ALKAL1: variants seen among roughly 807,000 people sequenced by gnomAD.
ALKAL1 encodes the protein AUG-beta.
In ALKAL1, 23 loss-of-function variants were observed where a neutral mutation model predicts 13.5. That is an observed-to-expected ratio of 1.70 (90% CI 1.23 to 2.41). ALKAL1 has a LOEUF of 2.41. ALKAL1 is among the 30% of genes most tolerant of loss of function. The pLI is 0.00. For missense variants in ALKAL1, 181 were observed against 178.4 expected (o/e 1.01, Z -0.08); for synonymous variants, 85 against 77.7 (o/e 1.09, Z -0.49).
Position 52,542,453 on chromosome 8 carries a change from G to GAAA in ALKAL1, c.191-11_191-9dup. 1 of 1,345,954 alleles carries GAAA rather than the reference G, an allele frequency of 7.4e-7. No homozygotes were observed. The highest frequency in any genetic ancestry group is 2.2e-5 in the Admixed American group (1 of 44,532). The allele number at this position is 1,345,954 out of a possible 1,614,324, so 83.4% of individuals were successfully genotyped here. ...AGTCTCTTGGGAATATTTCTGAAAA[G>GAAA]AAAAAAAAAACCATCAGAATTTATT... On this transcript the variant is annotated splice_polypyrimidine_tract_variant and intron_variant, in intron 1 of 4. Coordinates refer to ENST00000358543, the MANE Select transcript of ALKAL1 (RefSeq NM_207413.4).
chr8:52,542,840 A>C (rs1847327819), intron 1 of ALKAL1, among the ~76,000 whole-genome samples: 1 of 152,188 alleles, frequency 6.6e-6, no homozygotes, highest in Non-Finnish European at 1.5e-5. Flanking sequence ...CACCCAAACC[A>C]TGAGTTAGTT....
In ALKAL1 at chr8:52,556,126, A is replaced by C. The variant is rs76522612; in HGVS notation, c.190+8941T>G. On this transcript the variant is annotated intron_variant, in intron 1 of 4. Coordinates refer to ENST00000358543, the MANE Select transcript of ALKAL1 (RefSeq NM_207413.4). The stretch of plus-strand genomic sequence containing the variant: ...TAAACTAACTTTTTCTACATACAGC[A>C]TGTTGTTTCCTAGATGAGGCGATGA... Among the ~76,000 whole-genome samples, 118 of 152,272 alleles carry C rather than the reference A, an allele frequency of 7.7e-4. 1 individual carries two copies. In the East Asian group the frequency reaches 0.019, roughly 25 times the overall value.
At chr8:52,561,370 C>T (rs1018677540) in intron 1 of ALKAL1, among the ~76,000 whole-genome samples, 4 of 152,036 alleles carry the variant, frequency 2.6e-5, no homozygotes, top group Non-Finnish European at 4.4e-5. Flanking sequence ...CATAAATAAC[C>T]GAACTGCAAA....
intron 3 of ALKAL1, among the ~76,000 whole-genome samples, chr8:52,538,910 C>CTTATTTAT (rs903346420): frequency 4.0e-5 from 6 of 151,116 alleles, no homozygotes; most frequent in Admixed American, 2.0e-4. Context: ...TATTTATTTA[C>CTTATTTAT]TTATTTATTT....
At chr8:52,536,158 C>T (rs548700669) in intron 4 of ALKAL1, among the ~76,000 whole-genome samples, 4 of 152,274 alleles carry the variant, frequency 2.6e-5, no homozygotes, top group Non-Finnish European at 5.9e-5. Flanking sequence ...AAGCTGGTCT[C>T]GAACTCCTGA....
chr8:52,550,547 C>T (rs897755260), intron 1 of ALKAL1, among the ~76,000 whole-genome samples: 35 of 152,174 alleles, frequency 2.3e-4, no homozygotes, highest in Non-Finnish European at 2.6e-4. Context: ...GTAGGGCTGC[C>T]ATAACAAAGT....
At chr8:52,538,788 C>A (rs1017446064) in intron 3 of ALKAL1, among the ~76,000 whole-genome samples, 5 of 152,186 alleles carry the variant, frequency 3.3e-5, no homozygotes, top group Non-Finnish European at 7.3e-5. Context: ...GCTTTCTCCA[C>A]CATGCTTGGC....
chr8:52,546,526 G>A (rs1422477573), intron 1 of ALKAL1, among the ~76,000 whole-genome samples: 1 of 152,198 alleles, frequency 6.6e-6, no homozygotes, highest in East Asian at 1.9e-4. Flanking sequence ...GTCTGGACAG[G>A]CCCAGGCAAG....
At chr8:52,552,245 G>C (rs142674569) in intron 1 of ALKAL1, among the ~76,000 whole-genome samples, 1 of 151,776 alleles carries the variant, frequency 6.6e-6, no homozygotes, top group African/African-American at 2.4e-5. Context: ...CTGAGATTAC[G>C]GGTGTTAGGG....
chr8:52,560,675 C>T (rs1239772211), intron 1 of ALKAL1, among the ~76,000 whole-genome samples: 2 of 152,136 alleles, frequency 1.3e-5, no homozygotes, highest in Non-Finnish European at 2.9e-5. Context: ...CTTAGCAGCT[C>T]GATAAATAGG....
rs566571431 is a variant in ALKAL1 at position 52,544,017 on chromosome 8, A to C, written c.191-1572T>G. 7.2e-4 allele frequency among the ~76,000 whole-genome samples: 110 copies of C among 152,272 alleles called. 1 individual carries two copies. Among genetic ancestry groups the C allele is most frequent in the South Asian group, 5.6e-3 (27 of 4,822 alleles). ...TATAACTTCTATCAAAGCAGATGTC[A>C]CATTCTGGTTAGCATGATGGGGCAC... On this transcript the variant is annotated intron_variant, in intron 1 of 4. Coordinates refer to ENST00000358543, the MANE Select transcript of ALKAL1 (RefSeq NM_207413.4).
intron 1 of ALKAL1, among the ~76,000 whole-genome samples, chr8:52,556,625 C>T (rs1308231596): frequency 6.3e-5 from 7 of 110,682 alleles, no homozygotes; most frequent in East Asian, 6.0e-4. Context: ...CCAGCCTGGG[C>T]GACAGAGCGA....
At chr8:52,551,419 C>A (rs1847429020) in intron 1 of ALKAL1, among the ~76,000 whole-genome samples, 1 of 151,792 alleles carries the variant, frequency 6.6e-6, no homozygotes. Context: ...CTCAGCCTCC[C>A]AAGTAGCTAG....
At chr8:52,548,025 T>C (rs904170078) in intron 1 of ALKAL1, among the ~76,000 whole-genome samples, 22 of 152,250 alleles carry the variant, frequency 1.4e-4, no homozygotes, top group Middle Eastern at 3.4e-3. Flanking sequence ...TCATGGCTTG[T>C]GGATGTGGTG....
chr8:52,539,338 TAA>T (rs1385088701), intron 3 of ALKAL1, among the ~76,000 whole-genome samples: 5 of 152,194 alleles, frequency 3.3e-5, no homozygotes, highest in African/African-American at 1.2e-4. Context: ...GAATTATTAT[TAA>T]CTTCAGTAAC....
At chr8:52,540,914 C>T (rs571779705) in intron 2 of ALKAL1, among the ~76,000 whole-genome samples, 3 of 152,232 alleles carry the variant, frequency 2.0e-5, no homozygotes, top group East Asian at 3.9e-4. Context: ...CCATCCTTTC[C>T]GTTAATAAAC....
intron 2 of ALKAL1, among the ~76,000 whole-genome samples, chr8:52,540,186 G>T (rs974981351): frequency 2.0e-5 from 3 of 152,110 alleles, no homozygotes; most frequent in African/African-American, 4.8e-5. Context: ...GAAGGAAAAA[G>T]CTCTGGACAG....
At chr8:52,538,193 G>A (rs1320197156) in intron 4 of ALKAL1, among the ~76,000 whole-genome samples, 1 of 151,830 alleles carries the variant, frequency 6.6e-6, no homozygotes, top group Non-Finnish European at 1.5e-5. Context: ...CTGCAGCACT[G>A]TAGGGTGAAT....
At position 52,538,690 on chromosome 8, in the gene ALKAL1, C is replaced by T. The variant is rs1438230087; in HGVS notation, c.326-183G>A. ...ATAACACAATCGGGAAGGTGCTATT[C>T]CTATCTTCACTTTAGAGATGAGACA... On this transcript the variant is annotated intron_variant, in intron 3 of 4. Coordinates refer to ENST00000358543, the MANE Select transcript of ALKAL1 (RefSeq NM_207413.4). 6.3e-4 allele frequency among the ~76,000 whole-genome samples: 95 copies of T among 151,982 alleles called. 1 individual carries two copies. Among genetic ancestry groups the T allele is most frequent in the Admixed American group, 6.2e-3 (95 of 15,238 alleles).
Sources: allele counts gnomAD v4.1 joint callset (sites outside exome capture counted in the v4.1 genomes callset), GRCh38; gene constraint gnomAD v4.1.1; transcripts MANE v1.5; gene names NCBI Gene and HGNC (gene_info 2026-07-23, HGNC 2026-07-21).